ANKRD6: variants seen among roughly 807,000 people sequenced by gnomAD.
The protein encoded by ANKRD6 is ankyrin repeat domain-containing protein 6.
Under a neutral mutation model 82.3 loss-of-function variants are expected in ANKRD6, and 56 were observed. The observed-to-expected ratio is 0.68, with a 90% CI of 0.55 to 0.85. ANKRD6 has a LOEUF of 0.85. Among genes scored for constraint, ANKRD6 ranks in the 40% least tolerant of loss-of-function variants. ANKRD6 has a pLI of 0.00. For missense variants in ANKRD6, 852 were observed against 907.6 expected (o/e 0.94, Z 0.79); for synonymous variants, 347 against 352.1 (o/e 0.99, Z 0.16).
chr6:89,454,230 G>A (rs1418079423), intron 1 of ANKRD6, among the ~76,000 whole-genome samples: 3 of 152,088 alleles, frequency 2.0e-5, no homozygotes, highest in East Asian at 1.9e-4. Flanking sequence ...TAGAGTCTTC[G>A]CATGGTGGTG....
chr6:89,558,596 C>T (rs1416999039), intron 1 of ANKRD6, among the ~76,000 whole-genome samples: 3 of 152,058 alleles, frequency 2.0e-5, no homozygotes, highest in Non-Finnish European at 4.4e-5. Context: ...AGGCAGAGCA[C>T]AGGGGAGTTT....
chr6:89,534,527 T>G (rs1051217899), intron 1 of ANKRD6, among the ~76,000 whole-genome samples: 1 of 152,218 alleles, frequency 6.6e-6, no homozygotes, highest in East Asian at 1.9e-4. Context: ...TGATTTTTTT[T>G]TGTGGATAGG....
intron 1 of ANKRD6, among the ~76,000 whole-genome samples, chr6:89,546,688 C>G (rs1785139244): frequency 6.6e-6 from 1 of 152,150 alleles, no homozygotes; most frequent in African/African-American, 2.4e-5. Flanking sequence ...GTCTCAAACT[C>G]CTGACCTCAA....
intron 1 of ANKRD6, among the ~76,000 whole-genome samples, chr6:89,471,359 C>CAAAAAAA (rs568718441): frequency 8.4e-4 from 48 of 56,966 alleles, no homozygotes; most frequent in African/African-American, 1.2e-3. Context: ...ACAACAACAA[C>CAAAAAAA]AAAAAAAAAA....
intron 1 of ANKRD6, among the ~76,000 whole-genome samples, chr6:89,452,754 C>T (rs1773007527): frequency 6.6e-6 from 1 of 152,006 alleles, no homozygotes; most frequent in South Asian, 2.1e-4. Context: ...TGGAAATGGA[C>T]AATAAAGATG....
chr6:89,547,202 G>C (rs1006914914), intron 1 of ANKRD6, among the ~76,000 whole-genome samples: 3 of 152,036 alleles, frequency 2.0e-5, no homozygotes, highest in Admixed American at 1.3e-4. Flanking sequence ...TTATTTGGGG[G>C]GGGGGTTACA....
At chr6:89,516,044 A>T (rs1275897467) in intron 1 of ANKRD6, among the ~76,000 whole-genome samples, 1 of 152,216 alleles carries the variant, frequency 6.6e-6, no homozygotes, top group Non-Finnish European at 1.5e-5. Context: ...ACTGGACTTC[A>T]GACTTTTGGC....
chr6:89,594,652 T>G (rs1583572117), intron 2 of ANKRD6, among the ~76,000 whole-genome samples: 1 of 152,206 alleles, frequency 6.6e-6, no homozygotes, highest in East Asian at 1.9e-4. Context: ...GATTTATTTT[T>G]TTTCTTGAAA....
intron 1 of ANKRD6, among the ~76,000 whole-genome samples, chr6:89,451,753 T>C (rs894580215): frequency 1.3e-5 from 2 of 152,220 alleles, no homozygotes; most frequent in African/African-American, 4.8e-5. Context: ...AAAGTGACCA[T>C]GTTTTTGTGC....
chr6:89,618,337 C>T, intron 9 of ANKRD6: 2 of 616,558 alleles, frequency 3.2e-6, no homozygotes, highest in South Asian at 1.9e-5. Context: ...TAAGACATCG[C>T]AGGACAGGGC....
intron 9 of ANKRD6, among the ~76,000 whole-genome samples, chr6:89,619,308 G>A (rs1225598249): frequency 6.6e-6 from 1 of 152,148 alleles, no homozygotes; most frequent in Non-Finnish European, 1.5e-5. Flanking sequence ...CTAAAAGTAT[G>A]AAGTGCTGTA....
chr6:89,575,002 A>G (rs1483293804), intron 2 of ANKRD6, among the ~76,000 whole-genome samples: 2 of 152,198 alleles, frequency 1.3e-5, no homozygotes, highest in Non-Finnish European at 2.9e-5. Flanking sequence ...GTGGATAGCC[A>G]TGTAGAAATA....
intron 11 of ANKRD6, 96 bp downstream of exon 11, chr6:89,623,640 C>A: frequency 6.7e-7 from 1 of 1,482,490 alleles, no homozygotes; most frequent in Non-Finnish European, 9.0e-7. Context: ...AAAAGCCACT[C>A]ACTTGGCTGG....
chr6:89,476,282 T>C (rs1582810172), intron 1 of ANKRD6, among the ~76,000 whole-genome samples: 1 of 152,104 alleles, frequency 6.6e-6, no homozygotes, highest in Admixed American at 6.6e-5. Context: ...GCCTCCTGGG[T>C]TCAAGCAATT....
intron 1 of ANKRD6, among the ~76,000 whole-genome samples, chr6:89,496,011 C>T (rs1456165232): frequency 2.6e-5 from 4 of 151,982 alleles, no homozygotes; most frequent in African/African-American, 4.8e-5. Flanking sequence ...ATTCCATGGG[C>T]CCCCAAGAAA....
In ANKRD6 at chr6:89,629,138, C is replaced by T. The variant is rs768177067; in HGVS notation, c.1512C>T (p.Thr504=). 1.9e-6 allele frequency: 3 copies of T among 1,613,302 alleles called. No individual in the cohort carries two copies. The East Asian group carries it at 6.7e-5, about 36-fold the overall frequency. ...TATCCTTGGTGGATGAATTAAAAAC[C>T]TGGTGCATGTTAAAGATTCAGAATC... ...RQISLVDELK[T]WCMLKIQNLE... The change falls in exon 15 of 16, where the codon ACC becomes ACT. Residue 504 remains threonine (T), a synonymous_variant. Transcript: ENST00000339746.
chr6:89,447,842 C>G (rs1031033709), intron 1 of ANKRD6, among the ~76,000 whole-genome samples: 1 of 78,398 alleles, frequency 1.3e-5, no homozygotes, highest in Non-Finnish European at 2.5e-5. Flanking sequence ...CATGTGCCAC[C>G]ACGCCCAGCT....
chr6:89,498,314 A>G (rs1209110545), intron 1 of ANKRD6, among the ~76,000 whole-genome samples: 2 of 152,296 alleles, frequency 1.3e-5, no homozygotes, highest in African/African-American at 4.8e-5. Context: ...ATACTTTGAG[A>G]ACATGTGGCT....
intron 2 of ANKRD6, among the ~76,000 whole-genome samples, chr6:89,575,896 A>T (rs934032315): frequency 1.3e-5 from 2 of 152,174 alleles, no homozygotes; most frequent in African/African-American, 4.8e-5. Flanking sequence ...TATGTTGTCC[A>T]CTAAGTAAGG....
Sources: allele counts gnomAD v4.1 joint callset (sites outside exome capture counted in the v4.1 genomes callset), GRCh38; gene constraint gnomAD v4.1.1; transcripts MANE v1.5; gene names NCBI Gene and HGNC (gene_info 2026-07-23, HGNC 2026-07-21).